Variants in CHLSN observed in about 807,000 individuals in gnomAD.
CHLSN encodes protein cholesin.
At chr7:1,016,757 GC>G in the CHLSN span, among the ~76,000 whole-genome samples, 4 of 72,214 alleles carry the variant, frequency 5.5e-5, no homozygotes, top group African/African-American at 2.4e-4. Context: ...AGCAGCACAC[GC>G]CAGCGCACAG....
At chr7:1,091,918 C>T in the CHLSN span, 8 of 1,613,978 alleles carry the variant, frequency 5.0e-6, no homozygotes, top group Non-Finnish European at 6.8e-6. Context: ...CCTCTCGTGC[C>T]TCTACACCAT....
At chr7:1,092,535 C>T in the CHLSN span, 13 of 1,608,688 alleles carry the variant, frequency 8.1e-6, no homozygotes, top group Middle Eastern at 3.3e-4. Flanking sequence ...TGGTCTTCTT[C>T]GTCTGCTGGC....
At chr7:1,028,319 G>C in the CHLSN span, 1 of 1,037,138 alleles carries the variant, frequency 9.6e-7, no homozygotes, top group Non-Finnish European at 1.2e-6. Context: ...TGCGCCCGCA[G>C]TGCGCACCGC....
chr7:1,015,489 G>A, the CHLSN span, among the ~76,000 whole-genome samples: 1 of 152,248 alleles, frequency 6.6e-6, no homozygotes, highest in Non-Finnish European at 1.5e-5. Flanking sequence ...TCTGGACTCA[G>A]GGTTTAGAAA....
chr7:1,107,038 G>A, the CHLSN span, among the ~76,000 whole-genome samples: 6 of 152,188 alleles, frequency 3.9e-5, no homozygotes, highest in Non-Finnish European at 7.3e-5. Flanking sequence ...TGCCCGCCCA[G>A]CATCAGCTCT....
chr7:1,053,571 T>C, the CHLSN span, among the ~76,000 whole-genome samples: 16 of 152,200 alleles, frequency 1.1e-4, no homozygotes, highest in Admixed American at 1.0e-3. Context: ...CTCACGTCTG[T>C]AATCCCAGCA....
the CHLSN span, among the ~76,000 whole-genome samples, chr7:1,049,013 G>A: frequency 1.3e-5 from 2 of 152,050 alleles, no homozygotes; most frequent in African/African-American, 2.4e-5. Flanking sequence ...AGCCTCTGCA[G>A]TCTGAGCGTG....
At chr7:1,057,200 G>C in the CHLSN span, among the ~76,000 whole-genome samples, 7 of 152,148 alleles carry the variant, frequency 4.6e-5, no homozygotes, top group Non-Finnish European at 1.0e-4. Context: ...CCCAGGCCTC[G>C]CAGCAGCCCG....
chr7:991,333 C>T, the CHLSN span, among the ~76,000 whole-genome samples: 4 of 152,218 alleles, frequency 2.6e-5, no homozygotes, highest in Admixed American at 6.5e-5. Flanking sequence ...GGCTCCTCCA[C>T]GGGGTACAGC....
the CHLSN span, chr7:983,451 G>A: frequency 2.2e-6 from 3 of 1,352,572 alleles, no homozygotes; most frequent in Admixed American, 3.0e-5. Flanking sequence ...CCCCCTCCTG[G>A]GGAAGCCCAG....
At chr7:1,020,440 G>A in the CHLSN span, among the ~76,000 whole-genome samples, 6 of 152,262 alleles carry the variant, frequency 3.9e-5, no homozygotes, top group South Asian at 2.1e-4. Context: ...CTCGCCAGCC[G>A]CTGCCCCATC....
the CHLSN span, among the ~76,000 whole-genome samples, chr7:1,066,596 T>C: frequency 6.6e-6 from 1 of 152,000 alleles, no homozygotes. Flanking sequence ...CTACCTGCCC[T>C]CTACCTACCT....
chr7:1,080,327 G>A, the CHLSN span, among the ~76,000 whole-genome samples: 5 of 152,246 alleles, frequency 3.3e-5, no homozygotes, highest in Non-Finnish European at 7.3e-5. Context: ...GCGGGACACA[G>A]ACCGCGGCAC....
At chr7:1,002,715 A>G in the CHLSN span, among the ~76,000 whole-genome samples, 1 of 83,990 alleles carries the variant, frequency 1.2e-5, no homozygotes, top group Non-Finnish European at 2.2e-5. Flanking sequence ...GGGTGAGTGG[A>G]GCCCTGTGGG....
chr7:1,113,099 GCGCACACACA>G, the CHLSN span, among the ~76,000 whole-genome samples: 39 of 152,138 alleles, frequency 2.6e-4, no homozygotes, highest in Admixed American at 2.1e-3. Flanking sequence ...AAACTGCAGG[GCGCACACACA>G]CGCACACACC....
At chr7:1,064,006 C>A in the CHLSN span, among the ~76,000 whole-genome samples, 1 of 152,164 alleles carries the variant, frequency 6.6e-6, no homozygotes, top group African/African-American at 2.4e-5. Context: ...GGGGGACTAG[C>A]CACACTCAAA....
the CHLSN span, chr7:1,028,399 A>C: frequency 1.1e-5 from 11 of 986,776 alleles, no homozygotes; most frequent in Admixed American, 6.1e-5. Context: ...CGCGGCTGGA[A>C]CCAGATCCAG....
chr7:1,081,827 C>G, the CHLSN span: 1 of 144,086 alleles, frequency 6.9e-6, no homozygotes, highest in Admixed American at 7.0e-5. Flanking sequence ...CCCCTCCTGT[C>G]CACGATAAAA....
the CHLSN span, among the ~76,000 whole-genome samples, chr7:1,096,378 A>G: frequency 1.3e-5 from 2 of 152,162 alleles, no homozygotes; most frequent in African/African-American, 4.8e-5. The surrounding 1 kb of genome is among the most constrained non-coding windows in gnomAD (Gnocchi z 4.6). Flanking sequence ...TGCAACACTG[A>G]GGTCCCCACG....
Sources: allele counts gnomAD v4.1 joint callset (sites outside exome capture counted in the v4.1 genomes callset), GRCh38; gene constraint gnomAD v4.1.1; non-coding constraint Gnocchi (gnomAD v3.1); transcripts MANE v1.5; gene names NCBI Gene and HGNC (gene_info 2026-07-23, HGNC 2026-07-21).